The following RABGAP1L variants were observed in gnomAD, a reference collection of about 807,000 sequenced individuals.
RABGAP1L encodes rab GTPase-activating protein 1-like.
In RABGAP1L, 63 loss-of-function variants were observed where a neutral mutation model predicts 137.7. The ratio of observed to expected loss-of-function variants is 0.46; its 90% confidence interval spans 0.37 to 0.56. The LOEUF (loss-of-function observed/expected upper bound fraction) is 0.56. RABGAP1L is among the 20% of genes least tolerant of loss of function. RABGAP1L has a pLI of 0.00. For synonymous variants in RABGAP1L, 431 were observed against 433.7 expected, an observed-to-expected ratio of 0.99 and a Z score of 0.08; for missense variants, 1,095 against 1,244.0, an observed-to-expected ratio of 0.88 and a Z score of 1.80.
chr1:174,642,016 T>C (rs1027219849), intron 14 of RABGAP1L, among the ~76,000 whole-genome samples: 1 of 152,176 alleles, frequency 6.6e-6, no homozygotes, highest in African/African-American at 2.4e-5. Context: ...GTTTTAGATA[T>C]ACATCTCTTT....
chr1:174,203,732 A>G (rs1490312326), intron 1 of RABGAP1L, among the ~76,000 whole-genome samples: 1 of 152,068 alleles, frequency 6.6e-6, no homozygotes, highest in African/African-American at 2.4e-5. Flanking sequence ...TGAGCATGGG[A>G]TGTTTTTCCA....
intron 11 of RABGAP1L, among the ~76,000 whole-genome samples, chr1:174,358,165 G>A (rs1683803023): frequency 6.6e-6 from 1 of 150,806 alleles, no homozygotes; most frequent in Admixed American, 6.6e-5. Context: ...TTTTTTTCCA[G>A]TGAACAGTTT....
chr1:174,196,445 C>T (rs193196726), intron 1 of RABGAP1L, among the ~76,000 whole-genome samples: 13 of 152,054 alleles, frequency 8.5e-5, no homozygotes, highest in African/African-American at 3.1e-4. Flanking sequence ...AGGATAGTCT[C>T]GATCTCCTGA....
intron 13 of RABGAP1L, among the ~76,000 whole-genome samples, chr1:174,430,521 TG>T (rs1652507319): frequency 2.0e-5 from 3 of 152,188 alleles, no homozygotes; most frequent in African/African-American, 7.2e-5. Context: ...TGCATGAATC[TG>T]GGCACAACAT....
intron 13 of RABGAP1L, among the ~76,000 whole-genome samples, chr1:174,502,590 ATATATATG>A (rs1363953591): frequency 6.8e-6 from 1 of 147,832 alleles, no homozygotes; most frequent in Non-Finnish European, 1.5e-5. Context: ...ATATATATAT[ATATATATG>A]TACATATATG....
At chr1:174,848,756 C>A (rs1319106723) in intron 19 of RABGAP1L, among the ~76,000 whole-genome samples, 1 of 148,702 alleles carries the variant, frequency 6.7e-6, no homozygotes, top group Non-Finnish European at 1.5e-5. Flanking sequence ...TGGGCTCCAC[C>A]CAGTTCGAGC....
intron 19 of RABGAP1L, among the ~76,000 whole-genome samples, chr1:174,902,820 G>A (rs1368855709): frequency 6.6e-6 from 1 of 152,190 alleles, no homozygotes; most frequent in Admixed American, 6.5e-5. Flanking sequence ...CTCTGGGTCA[G>A]GTGGTTTGCC....
intron 21 of RABGAP1L, among the ~76,000 whole-genome samples, chr1:174,971,464 A>G (rs1670125368): frequency 6.6e-6 from 1 of 152,138 alleles, no homozygotes; most frequent in South Asian, 2.1e-4. Flanking sequence ...AAAAGGTTCC[A>G]TCAGACCTTC....
At chr1:174,712,057 TC>T (rs1367032287) in intron 17 of RABGAP1L, among the ~76,000 whole-genome samples, 1 of 152,200 alleles carries the variant, frequency 6.6e-6, no homozygotes, top group Non-Finnish European at 1.5e-5. Flanking sequence ...GCACTTTGTG[TC>T]TAGCTCAAGG....
intron 11 of RABGAP1L, among the ~76,000 whole-genome samples, chr1:174,312,625 G>A (rs1171046057): frequency 6.6e-6 from 1 of 152,090 alleles, no homozygotes; most frequent in East Asian, 1.9e-4. Context: ...ATTTGTTCAT[G>A]TTTGCTTTGG....
At chr1:174,596,948 T>G (rs1360052163) in intron 13 of RABGAP1L, among the ~76,000 whole-genome samples, 1 of 152,182 alleles carries the variant, frequency 6.6e-6, no homozygotes, top group Non-Finnish European at 1.5e-5. Flanking sequence ...TTTTATTGAA[T>G]GGTTTTTTTG....
chr1:174,417,002 G>A (rs1251603457), intron 13 of RABGAP1L, among the ~76,000 whole-genome samples: 1 of 151,894 alleles, frequency 6.6e-6, no homozygotes, highest in African/African-American at 2.4e-5. Context: ...GTCCTAATAC[G>A]TATACACCAT....
chr1:174,263,794 G>C (rs979552564), intron 7 of RABGAP1L, among the ~76,000 whole-genome samples: 4 of 151,410 alleles, frequency 2.6e-5, no homozygotes, highest in African/African-American at 9.7e-5. Flanking sequence ...GGCAACACAA[G>C]TATTTGAATC....
At chr1:174,278,025 G>A (rs540133901) in intron 9 of RABGAP1L, among the ~76,000 whole-genome samples, 23 of 152,074 alleles carry the variant, frequency 1.5e-4, no homozygotes, top group Non-Finnish European at 3.4e-4. Flanking sequence ...ACTAAAAATT[G>A]TAAAGAAAAT....
At chr1:174,635,851 C>A (rs1221064958) in intron 13 of RABGAP1L, among the ~76,000 whole-genome samples, 1 of 152,156 alleles carries the variant, frequency 6.6e-6, no homozygotes, top group Non-Finnish European at 1.5e-5. Flanking sequence ...TACCTTAGAG[C>A]TAATCAACCA....
At chr1:174,608,647 A>G (rs928297527) in intron 13 of RABGAP1L, among the ~76,000 whole-genome samples, 2 of 152,154 alleles carry the variant, frequency 1.3e-5, no homozygotes, top group Non-Finnish European at 2.9e-5. Flanking sequence ...AACTTTGCAG[A>G]ATGGAATGTG....
chr1:174,358,907 A>G (rs1683892942), intron 11 of RABGAP1L, among the ~76,000 whole-genome samples: 1 of 152,338 alleles, frequency 6.6e-6, no homozygotes, highest in Admixed American at 6.5e-5. Context: ...AGCTCATAGT[A>G]TGATGGGAGA....
intron 13 of RABGAP1L, among the ~76,000 whole-genome samples, chr1:174,505,024 C>T (rs142960545): frequency 3.7e-4 from 56 of 152,174 alleles, no homozygotes; most frequent in African/African-American, 1.3e-3. Context: ...TGTAAGAAAA[C>T]AACCTGATTT....
intron 19 of RABGAP1L, among the ~76,000 whole-genome samples, chr1:174,953,233 CAT>C (rs1558275886): frequency 6.6e-6 from 1 of 152,072 alleles, no homozygotes; most frequent in African/African-American, 2.4e-5. Context: ...CTGAAAGAGT[CAT>C]ATATACAAAT....
Sources: gnomAD v4.1 joint callset for allele counts (sites outside exome capture counted in the v4.1 genomes callset) on GRCh38, gnomAD v4.1.1 for gene constraint, MANE v1.5 for transcripts, NCBI Gene and HGNC (gene_info 2026-07-23, HGNC 2026-07-21) for gene names.